Variants in GRID1 observed in about 807,000 individuals in gnomAD.
GRID1 encodes glutamate ionotropic receptor delta type subunit 1.
A neutral mutation model predicts 98.0 loss-of-function variants in GRID1; 28 were observed. The observed-to-expected ratio is 0.29, with a 90% CI of 0.21 to 0.39. The LOEUF (loss-of-function observed/expected upper bound fraction) is 0.39, where lower values mean the gene tolerates loss of function less well. GRID1 is among the 10% of genes least tolerant of loss of function. The probability of loss-of-function intolerance (pLI) is 1.00; values close to 1 mark genes in which losing one functional copy is unlikely to be tolerated. For missense variants in GRID1, 1,111 were observed against 1,340.5 expected, an observed-to-expected ratio of 0.83 and a Z score of 2.67; for synonymous variants, 553 against 538.5, an observed-to-expected ratio of 1.03 and a Z score of -0.37.
At chr10:85,720,625 C>G (rs1277033118) in intron 12 of GRID1, among the ~76,000 whole-genome samples, 1 of 96,994 alleles carries the variant, frequency 1.0e-5, no homozygotes, top group Admixed American at 9.8e-5. Flanking sequence ...TAGACCAAAA[C>G]AAACAGACAA....
At chr10:86,319,437 C>T (rs989628301) in intron 2 of GRID1, among the ~76,000 whole-genome samples, 1 of 152,196 alleles carries the variant, frequency 6.6e-6, no homozygotes, top group Non-Finnish European at 1.5e-5. Flanking sequence ...CTCACTCAGC[C>T]AGGATTGCAG....
intron 4 of GRID1, among the ~76,000 whole-genome samples, chr10:86,086,627 T>C (rs916733466): frequency 2.0e-5 from 3 of 152,270 alleles, no homozygotes; most frequent in African/African-American, 7.2e-5. Flanking sequence ...AGTGTGTGTG[T>C]GTGCAAGCAT....
intron 8 of GRID1, among the ~76,000 whole-genome samples, chr10:85,823,428 TA>T (rs1842791256): frequency 6.6e-6 from 1 of 151,546 alleles, no homozygotes. Flanking sequence ...AAAATATATA[TA>T]AACAAAAATA....
At chr10:85,909,900 A>T (rs1841513999) in intron 5 of GRID1, among the ~76,000 whole-genome samples, 1 of 152,206 alleles carries the variant, frequency 6.6e-6, no homozygotes, top group African/African-American at 2.4e-5. Context: ...TATTGTATGT[A>T]TTGCATGTCA....
chr10:85,629,182 A>C (rs1157996507), intron 13 of GRID1, among the ~76,000 whole-genome samples: 1 of 152,188 alleles, frequency 6.6e-6, no homozygotes, highest in East Asian at 1.9e-4. Flanking sequence ...GTAATTTTGC[A>C]TCTCAAAAAG....
At chr10:85,804,044 G>T (rs961477689) in intron 8 of GRID1, among the ~76,000 whole-genome samples, 5 of 149,782 alleles carry the variant, frequency 3.3e-5, no homozygotes, top group South Asian at 2.1e-4. Flanking sequence ...CTAAATAGGG[G>T]ATATCAATGA....
intron 4 of GRID1, among the ~76,000 whole-genome samples, chr10:86,032,265 G>A (rs1056888947): frequency 5.9e-5 from 9 of 152,006 alleles, no homozygotes; most frequent in Admixed American, 1.3e-4. Flanking sequence ...GCCTCTGCCC[G>A]GCCACCCCGT....
At chr10:85,682,804 G>T (rs1156922337) in intron 12 of GRID1, among the ~76,000 whole-genome samples, 1 of 152,208 alleles carries the variant, frequency 6.6e-6, no homozygotes, top group Non-Finnish European at 1.5e-5. Context: ...CTGATGTGCA[G>T]CCAAGCTCCT....
chr10:85,916,298 G>C lies in GRID1; in HGVS notation c.727-59C>G. 1 of 1,179,030 alleles carries C rather than the reference G, an allele frequency of 8.5e-7. No homozygotes were observed. Among genetic ancestry groups the C allele is most frequent in the Non-Finnish European group, 1.3e-6 (1 of 784,596 alleles). The allele number at this position is 1,179,030 out of a possible 1,614,324, so 73.0% of individuals were successfully genotyped here. The stretch of plus-strand genomic sequence containing the variant: ...GCAAGACAGAAGCTGGCAGACACAG[G>C]ATGATTGCCGAGACAGAGTTTTATA... On this transcript the variant is annotated intron_variant, in intron 4 of 15. Transcript: ENST00000327946. The surrounding 1 kb of genome is among the most constrained non-coding windows in gnomAD (Gnocchi z 4.0).
intron 2 of GRID1, among the ~76,000 whole-genome samples, chr10:86,217,956 AC>A (rs1467034086): frequency 1.3e-5 from 2 of 151,818 alleles, no homozygotes; most frequent in African/African-American, 4.8e-5. Flanking sequence ...ATTCTCCCCT[AC>A]CCCACCTGCA....
intron 4 of GRID1, among the ~76,000 whole-genome samples, chr10:86,130,538 T>C (rs193015163): frequency 6.6e-6 from 1 of 152,234 alleles, no homozygotes; most frequent in African/African-American, 2.4e-5. Flanking sequence ...AGAAGGAGCA[T>C]CTGAATGTCG....
chr10:86,324,791 A>AT (rs1320631331), intron 2 of GRID1, among the ~76,000 whole-genome samples: 1 of 151,988 alleles, frequency 6.6e-6, no homozygotes, highest in African/African-American at 2.4e-5. Flanking sequence ...AAAAAATGAG[A>AT]TTTTTTTCAT....
At chr10:85,677,379 G>A (rs1317863173) in intron 12 of GRID1, among the ~76,000 whole-genome samples, 1 of 152,186 alleles carries the variant, frequency 6.6e-6, no homozygotes, top group East Asian at 1.9e-4. Context: ...TTCAGTTGAG[G>A]GGGAGTAGGG....
At position 85,965,595 on chromosome 10, in the gene GRID1, A is replaced by G. The variant is rs189532033; in HGVS notation, c.727-49356T>C. On this transcript the variant is annotated intron_variant, in intron 4 of 15. Transcript: ENST00000327946. ...AGTGGGAGTTAAACACTGAGAACAC[A>G]TGGACATAGGGAGAGGAACATCACA... Among the ~76,000 whole-genome samples the G allele has an allele frequency of 3.0e-4, 45 of 152,202 alleles. No individual in the cohort carries two copies. The East Asian group carries it at 8.5e-3, about 29-fold the overall frequency.
intron 4 of GRID1, among the ~76,000 whole-genome samples, chr10:86,040,275 T>C (rs965714861): frequency 3.3e-5 from 5 of 152,134 alleles, no homozygotes; most frequent in African/African-American, 9.7e-5. Context: ...ATCAGTATGT[T>C]GAAGAGATGC....
At chr10:85,742,129 C>T (rs1342971921) in intron 8 of GRID1, among the ~76,000 whole-genome samples, 3 of 152,188 alleles carry the variant, frequency 2.0e-5, no homozygotes, top group East Asian at 3.8e-4. Context: ...GTCTATTTTG[C>T]TCACCAGCAT....
intron 3 of GRID1, among the ~76,000 whole-genome samples, chr10:86,182,840 C>A (rs566764928): frequency 4.5e-4 from 69 of 152,312 alleles, no homozygotes; most frequent in African/African-American, 1.6e-3. Context: ...ACTAACAAGT[C>A]TTTGCAGACC....
At chr10:85,633,127 A>G (rs1190806205) in intron 13 of GRID1, among the ~76,000 whole-genome samples, 1 of 151,960 alleles carries the variant, frequency 6.6e-6, no homozygotes, top group African/African-American at 2.4e-5. Flanking sequence ...ATGAGGTTTC[A>G]CCATGTTGTC....
rs2131824766 is a variant in GRID1 at position 85,916,603 on chromosome 10, C to T, written c.727-364G>A. ...TTAGGGGATGAGTGTTATCATTACT[C>T]CAGGCTACAGAATCAGGAAACTGGA... On this transcript the variant is annotated intron_variant, in intron 4 of 15. Coordinates refer to ENST00000327946, the MANE Select transcript of GRID1 (RefSeq NM_017551.3). This position sits in a 1 kb window ranked among gnomAD's most constrained non-coding sequence, Gnocchi z 4.0. Among the ~76,000 whole-genome samples, 1 of 152,318 alleles carries T rather than the reference C, an allele frequency of 6.6e-6. No individual in the cohort carries two copies. The highest frequency in any genetic ancestry group is 1.5e-5 in the Non-Finnish European group (1 of 68,028).
Sources: gnomAD v4.1 joint callset for allele counts (sites outside exome capture counted in the v4.1 genomes callset) on GRCh38, gnomAD v4.1.1 for gene constraint, Gnocchi (gnomAD v3.1) non-coding constraint, MANE v1.5 for transcripts, NCBI Gene and HGNC (gene_info 2026-07-23, HGNC 2026-07-21) for gene names.